Variants in NTRK2 observed in about 807,000 individuals in gnomAD.
NTRK2 encodes the protein BDNF/NT-3 growth factors receptor.
In NTRK2, 13 loss-of-function variants were observed where a neutral mutation model predicts 94.5. The observed-to-expected ratio is 0.14, with a 90% CI of 0.09 to 0.22. The LOEUF is 0.22. Among genes scored for constraint, NTRK2 ranks in the 10% least tolerant of loss-of-function variants. The pLI, the probability that NTRK2 is intolerant of heterozygous loss-of-function variation, is 1.00. For missense variants in NTRK2, 639 were observed against 1,071.2 expected, an observed-to-expected ratio of 0.60 and a Z score of 5.63; for synonymous variants, 372 against 407.4, an observed-to-expected ratio of 0.91 and a Z score of 1.05.
intron 15 of NTRK2, among the ~76,000 whole-genome samples, chr9:84,940,389 C>G (rs1419476129): frequency 1.3e-5 from 2 of 152,140 alleles, no homozygotes; most frequent in African/African-American, 4.8e-5. Flanking sequence ...AGGGAATCTC[C>G]TTGGGACTCC....
intron 2 of NTRK2, among the ~76,000 whole-genome samples, chr9:84,694,550 C>T (rs2060245221): frequency 6.6e-6 from 1 of 152,214 alleles, no homozygotes. Context: ...TTCCGTATCA[C>T]CTGCACCTGC....
chr9:84,792,575 G>A (rs577444962), intron 12 of NTRK2, among the ~76,000 whole-genome samples: 1 of 152,286 alleles, frequency 6.6e-6, no homozygotes, highest in East Asian at 1.9e-4. Flanking sequence ...GCAATTATGA[G>A]TTTGAGCCAT....
intron 13 of NTRK2, among the ~76,000 whole-genome samples, chr9:84,861,943 A>G (rs1442178946): frequency 6.6e-6 from 1 of 152,158 alleles, no homozygotes; most frequent in Non-Finnish European, 1.5e-5. Flanking sequence ...ATGCTTGTTC[A>G]TCCTGGCCAT....
chr9:84,872,266 G>A, intron 14 of NTRK2: 2 of 1,127,316 alleles, frequency 1.8e-6, no homozygotes, highest in Non-Finnish European at 1.1e-6. Context: ...TTTTTGACAG[G>A]GAACAATGGA....
At chr9:84,753,777 C>T (rs2064843181) in intron 12 of NTRK2, among the ~76,000 whole-genome samples, 1 of 152,170 alleles carries the variant, frequency 6.6e-6, no homozygotes, top group Non-Finnish European at 1.5e-5. Flanking sequence ...CTGGAGGCTA[C>T]CAACTAACAT....
intron 12 of NTRK2, among the ~76,000 whole-genome samples, chr9:84,789,587 G>A (rs150066208): frequency 2.0e-5 from 3 of 152,294 alleles, no homozygotes; most frequent in African/African-American, 7.2e-5. Context: ...GAGGCCCAGC[G>A]TGACCCATGG....
chr9:84,902,903 A>G (rs1225215999), intron 14 of NTRK2, among the ~76,000 whole-genome samples: 1 of 152,198 alleles, frequency 6.6e-6, no homozygotes, highest in Admixed American at 6.5e-5. Flanking sequence ...TGTAGCTTCC[A>G]TGAGGTCTAA....
chr9:84,858,428 C>T (rs2075171023), intron 12 of NTRK2, among the ~76,000 whole-genome samples: 2 of 151,716 alleles, frequency 1.3e-5, no homozygotes, highest in Non-Finnish European at 2.9e-5. Context: ...CTTCCCATTT[C>T]CCTCCCCCAA....
At chr9:84,791,498 T>C (rs187718398) in intron 12 of NTRK2, among the ~76,000 whole-genome samples, 1 of 152,256 alleles carries the variant, frequency 6.6e-6, no homozygotes, top group African/African-American at 2.4e-5. Flanking sequence ...TTCATCTGCA[T>C]AGAGTTCTCC....
At position 84,759,767 on chromosome 9, in the gene NTRK2, G is replaced by A. The variant is rs990593829; in HGVS notation, c.1396+7682G>A. Among the ~76,000 whole-genome samples the A allele has an allele frequency of 1.3e-4, 20 of 151,864 alleles. 1 individual carries two copies. Among genetic ancestry groups the A allele is most frequent in the African/African-American group, 4.1e-4 (17 of 41,398 alleles). On this transcript the variant is annotated intron_variant, in intron 12 of 18. Coordinates refer to ENST00000277120, the MANE Select transcript of NTRK2 (RefSeq NM_006180.6). ...CCCCTTCACTTCTCTTTTACCTTTC[G>A]TTGTTTTCCCTGTCATTTTGTCCTG...
At chr9:84,783,437 C>G (rs1359444420) in intron 12 of NTRK2, among the ~76,000 whole-genome samples, 1 of 152,194 alleles carries the variant, frequency 6.6e-6, no homozygotes, top group Non-Finnish European at 1.5e-5. Context: ...GGGTTAGTAT[C>G]TACTGTCAGG....
intron 14 of NTRK2, among the ~76,000 whole-genome samples, chr9:84,888,980 A>C (rs12346086): frequency 0.85 from 106,676 of 125,380 alleles, 45,699 homozygotes; most frequent in South Asian, 0.91. Context: ...TTAATGACAG[A>C]AATTTTTTTT....
At position 84,866,669 on chromosome 9, in the gene NTRK2, G is replaced by T. The variant is rs1348243410; in HGVS notation, c.1445-574G>T. Reference sequence around the variant, plus strand: ...AGCCACTTTGGAAAACAGTTTGGCAGTTCCTCAAAATGTTAAATATAGAGC... The same window carrying T: ...AGCCACTTTGGAAAACAGTTTGGCATTTCCTCAAAATGTTAAATATAGAGC... On this transcript the variant is annotated intron_variant, in intron 13 of 18. Coordinates refer to ENST00000277120, the MANE Select transcript of NTRK2 (RefSeq NM_006180.6). Among the ~76,000 whole-genome samples the T allele has an allele frequency of 2.6e-5, 4 of 152,176 alleles. No individual in the cohort carries two copies. In the East Asian group the frequency reaches 7.7e-4, roughly 29 times the overall value.
At chr9:84,809,293 G>A (rs1007309291) in intron 12 of NTRK2, among the ~76,000 whole-genome samples, 1 of 151,866 alleles carries the variant, frequency 6.6e-6, no homozygotes, top group Non-Finnish European at 1.5e-5. Context: ...TTGAGGTCAA[G>A]GAACTGTGTT....
chr9:84,863,547 A>G (rs1423799524), intron 13 of NTRK2, among the ~76,000 whole-genome samples: 1 of 152,196 alleles, frequency 6.6e-6, no homozygotes, highest in East Asian at 1.9e-4. Flanking sequence ...ACATGCATAG[A>G]CATACAAAGA....
chr9:84,737,229 A>T (rs922667276), intron 9 of NTRK2, among the ~76,000 whole-genome samples: 7 of 152,200 alleles, frequency 4.6e-5, no homozygotes, highest in African/African-American at 1.7e-4. Flanking sequence ...AGAATGGAAA[A>T]TGAACCCTAC....
chr9:84,928,637 C>T (rs1266266730), intron 14 of NTRK2, among the ~76,000 whole-genome samples: 2 of 152,090 alleles, frequency 1.3e-5, no homozygotes, highest in African/African-American at 4.8e-5. Flanking sequence ...TGTGTGGCCC[C>T]GGGAAAGTCA....
chr9:84,970,415 CAATAAT>C (rs772056150), intron 17 of NTRK2, among the ~76,000 whole-genome samples: 1 of 151,296 alleles, frequency 6.6e-6, no homozygotes, highest in Admixed American at 6.6e-5. Context: ...TAAAAAATGG[CAATAAT>C]AATAATAATA....
chr9:84,875,883 A>G, intron 14 of NTRK2: 1 of 1,040,128 alleles, frequency 9.6e-7, no homozygotes, highest in Non-Finnish European at 1.2e-6. Flanking sequence ...TTGCACAGTA[A>G]TATTAAGTTT....
Sources: gnomAD v4.1 joint callset for allele counts (sites outside exome capture counted in the v4.1 genomes callset) on GRCh38, gnomAD v4.1.1 for gene constraint, MANE v1.5 for transcripts, NCBI Gene and HGNC (gene_info 2026-07-23, HGNC 2026-07-21) for gene names.